The following RIMS1 variants were observed in gnomAD, a reference collection of about 807,000 sequenced individuals.
RIMS1 encodes the protein regulating synaptic membrane exocytosis protein 1.
RIMS1 carries 83 observed loss-of-function variants against 214.1 expected under a neutral mutation model. That is an observed-to-expected ratio of 0.39 (90% CI 0.32 to 0.47). The LOEUF is 0.47. Among genes scored for constraint, RIMS1 ranks in the 20% least tolerant of loss-of-function variants. RIMS1 has a pLI of 0.99. For missense variants in RIMS1, 2,050 were observed against 2,161.8 expected (o/e 0.95, Z 1.03); for synonymous variants, 793 against 786.8 (o/e 1.01, Z -0.13).
chr6:72,260,771 A>C lies in RIMS1; in HGVS notation c.3116+4A>C. On this transcript the variant is annotated splice_donor_region_variant and intron_variant, in intron 19 of 33. Coordinates refer to ENST00000521978, the MANE Select transcript of RIMS1 (RefSeq NM_014989.7). The stretch of plus-strand genomic sequence containing the variant: ...CAGAATGCCTACATACTACCAGGTA[A>C]ATACAGGGATTTGGTAATGGTGACT... The C allele has an allele frequency of 3.7e-6, 6 of 1,612,008 alleles. No homozygotes were observed. Among genetic ancestry groups the C allele is most frequent in the Non-Finnish European group, 5.1e-6 (6 of 1,178,778 alleles).
chr6:72,212,679 A>T, intron 6 of RIMS1: 1 of 337,068 alleles, frequency 3.0e-6, no homozygotes, highest in Non-Finnish European at 4.2e-6. Context: ...AAAGGACACT[A>T]GTTAGAGTAA....
At chr6:72,392,631 A>T in intron 30 of RIMS1, 67 bp from the exon 31 acceptor site, 1 of 1,054,434 alleles carries the variant, frequency 9.5e-7, no homozygotes, top group Non-Finnish European at 1.5e-6. Context: ...TCAAGTGGAA[A>T]CTAGTGAAAA....
At chr6:72,343,774 A>C (rs977384782) in intron 29 of RIMS1, among the ~76,000 whole-genome samples, 10 of 151,602 alleles carry the variant, frequency 6.6e-5, no homozygotes, top group African/African-American at 2.4e-4. Flanking sequence ...ATTCTACAAG[A>C]TTATACAGGC....
At chr6:72,107,327 G>GC (rs1371224634) in intron 4 of RIMS1, among the ~76,000 whole-genome samples, 1 of 152,204 alleles carries the variant, frequency 6.6e-6, no homozygotes, top group African/African-American at 2.4e-5. Context: ...TTGGGAGGCT[G>GC]CGGGGAGTGG....
chr6:71,892,695 C>T (rs932571921), intron 1 of RIMS1, among the ~76,000 whole-genome samples: 1 of 152,082 alleles, frequency 6.6e-6, no homozygotes, highest in African/African-American at 2.4e-5. Flanking sequence ...ATTAAATAGG[C>T]TATTTCTAAC....
chr6:71,988,234 T>C (rs80318391), intron 2 of RIMS1, among the ~76,000 whole-genome samples: 1 of 152,190 alleles, frequency 6.6e-6, no homozygotes, highest in Non-Finnish European at 1.5e-5. Flanking sequence ...CAATTTTTCA[T>C]ATCTAATTGC....
At chr6:71,919,328 T>C (rs1335114991) in intron 1 of RIMS1, among the ~76,000 whole-genome samples, 1 of 151,470 alleles carries the variant, frequency 6.6e-6, no homozygotes, top group African/African-American at 2.4e-5. Context: ...TAAATGGGGG[T>C]CAGGAAAATG....
chr6:72,175,906 G>A (rs12526524), intron 4 of RIMS1, among the ~76,000 whole-genome samples: 17,900 of 152,018 alleles, frequency 0.12, 1,286 homozygotes, highest in South Asian at 0.18. Flanking sequence ...ATTTCTCTGG[G>A]TAAAAAATTC....
chr6:71,890,042 T>C (rs1249840799), intron 1 of RIMS1, among the ~76,000 whole-genome samples: 1 of 152,102 alleles, frequency 6.6e-6, no homozygotes, highest in Non-Finnish European at 1.5e-5. Flanking sequence ...AGAGAGAAAA[T>C]AGAAAATGAT....
chr6:71,937,855 C>T (rs1562234547), intron 1 of RIMS1, among the ~76,000 whole-genome samples: 5 of 152,190 alleles, frequency 3.3e-5, no homozygotes, highest in South Asian at 2.1e-4. Context: ...GTACTTCTCA[C>T]ATACAAAATA....
intron 4 of RIMS1, among the ~76,000 whole-genome samples, chr6:72,100,281 C>G (rs563694152): frequency 1.3e-5 from 2 of 152,000 alleles, no homozygotes; most frequent in African/African-American, 2.4e-5. Context: ...ATTATTCCAA[C>G]TGCTTTCAGA....
At chr6:71,932,466 G>T (rs554751098) in intron 1 of RIMS1, among the ~76,000 whole-genome samples, 1 of 152,064 alleles carries the variant, frequency 6.6e-6, no homozygotes, top group African/African-American at 2.4e-5. Flanking sequence ...ACACAATGGG[G>T]CTTTTCAGAG....
At chr6:71,947,222 GA>G (rs1266981285) in intron 1 of RIMS1, among the ~76,000 whole-genome samples, 5 of 151,886 alleles carry the variant, frequency 3.3e-5, no homozygotes, top group Non-Finnish European at 7.4e-5. Flanking sequence ...CAAAAAATAT[GA>G]AATCAGTTTG....
intron 4 of RIMS1, among the ~76,000 whole-genome samples, chr6:72,111,562 A>T (rs541793796): frequency 2.6e-5 from 4 of 152,284 alleles, no homozygotes; most frequent in African/African-American, 9.6e-5. Flanking sequence ...TCCTCAGTAA[A>T]GTTCCACTTT....
At chr6:72,078,936 A>C (rs956706838) in intron 2 of RIMS1, among the ~76,000 whole-genome samples, 1 of 152,106 alleles carries the variant, frequency 6.6e-6, no homozygotes, top group Non-Finnish European at 1.5e-5. Flanking sequence ...TAAGCATTTA[A>C]CATATTTGAG....
At position 72,390,694 on chromosome 6, in the gene RIMS1, A is replaced by G; in HGVS notation, c.4463A>G (p.Glu1488Gly). The change falls in exon 30 of 34, where the codon GAG becomes GGG. Residue 1488 changes from glutamate (E) to glycine (G), a missense_variant. By Grantham distance (98) the Glu-to-Gly change is moderately conservative. Transcript: ENST00000521978. ...MRKMVRQPSR[E>G]STDGSINSYS... ...AAGATGGTAAGGCAGCCGAGCCGAG[A>G]GTCTACTGATGGCAGCATCAACAGT... 3 of 1,613,956 alleles carry G rather than the reference A, an allele frequency of 1.9e-6. No homozygotes were observed. Among genetic ancestry groups the G allele is most frequent in the Non-Finnish European group, 2.5e-6 (3 of 1,179,826 alleles).
At chr6:72,368,402 C>T (rs535472227) in intron 29 of RIMS1, among the ~76,000 whole-genome samples, 4 of 148,384 alleles carry the variant, frequency 2.7e-5, no homozygotes, top group East Asian at 2.0e-4. Flanking sequence ...CACAGGTTCA[C>T]GCCATTCTCC....
chr6:72,292,021 A>C lies in RIMS1; in HGVS notation c.3825A>C (p.Pro1275=). 6.4e-7 allele frequency: 1 copy of C among 1,558,080 alleles called. No homozygotes were observed. The highest frequency in any genetic ancestry group is 1.4e-5 in the African/African-American group (1 of 73,442). ...GGGGAAGACAGCTCCCACAAGTGCC[A>C]GTGAGAAGCGGCAGTATAGAACAAG... ...SRRGRQLPQV[P]VRSGSIEQAS... is the part of the protein sequence containing the mutation. The change falls in exon 26 of 34, where the codon CCA becomes CCC. Residue 1275 remains proline (P), a synonymous_variant. Transcript: ENST00000521978.
intron 4 of RIMS1, among the ~76,000 whole-genome samples, chr6:72,112,597 G>C (rs1458806659): frequency 6.6e-6 from 1 of 151,940 alleles, no homozygotes; most frequent in East Asian, 1.9e-4. Flanking sequence ...CCTGCCTCAG[G>C]CTGCTAGCAT....
Sources: gnomAD v4.1 joint callset for allele counts (sites outside exome capture counted in the v4.1 genomes callset) on GRCh38, gnomAD v4.1.1 for gene constraint, MANE v1.5 for transcripts, NCBI Gene and HGNC (gene_info 2026-07-23, HGNC 2026-07-21) for gene names.